WWOX: variants seen among roughly 807,000 people sequenced by gnomAD.
WWOX encodes WW domain-containing oxidoreductase.
Under a neutral mutation model 46.2 loss-of-function variants are expected in WWOX, and 69 were observed. The observed-to-expected ratio is 1.49, with a 90% CI of 1.23 to 1.82. The LOEUF is 1.82. Ranked by LOEUF, WWOX falls within the 40% of genes most tolerant of loss-of-function variation. The pLI is 0.00. For missense variants in WWOX, 919 were observed against 542.6 expected (o/e 1.69, Z -6.89); for synonymous variants, 359 against 202.6 (o/e 1.77, Z -6.56).
intron 5 of WWOX, among the ~76,000 whole-genome samples, chr16:78,366,277 A>G (rs1208642393): frequency 2.6e-5 from 4 of 152,230 alleles, no homozygotes; most frequent in African/African-American, 9.6e-5. Context: ...CTTTTAGATT[A>G]TTTAATAGAA....
intron 8 of WWOX, among the ~76,000 whole-genome samples, chr16:79,059,530 G>T (rs2048322823): frequency 6.6e-6 from 1 of 152,114 alleles, no homozygotes; most frequent in African/African-American, 2.4e-5. Context: ...TTGCCCTGTT[G>T]CCCTGGCTGG....
chr16:79,036,891 A>G (rs1327125095), intron 8 of WWOX, among the ~76,000 whole-genome samples: 1 of 152,194 alleles, frequency 6.6e-6, no homozygotes, highest in African/African-American at 2.4e-5. Context: ...TGCCAAAGGG[A>G]TTCTTTCAGA....
chr16:78,878,020 C>T (rs1456426502), intron 8 of WWOX, among the ~76,000 whole-genome samples: 1 of 152,188 alleles, frequency 6.6e-6, no homozygotes, highest in East Asian at 1.9e-4. Context: ...CAGGTCCCTT[C>T]TCTTTGCGTC....
intron 8 of WWOX, among the ~76,000 whole-genome samples, chr16:79,181,682 T>G (rs1303599245): frequency 6.6e-6 from 1 of 152,172 alleles, no homozygotes; most frequent in African/African-American, 2.4e-5. Context: ...AATGCTGAGA[T>G]GAACATCTTT....
At chr16:78,114,889 TG>T in intron 3 of WWOX, 86 bp from the exon 4 acceptor site, 2 of 1,565,176 alleles carry the variant, frequency 1.3e-6, no homozygotes, top group Non-Finnish European at 1.8e-6. Context: ...CTATGAAAAA[TG>T]GGGTTTTCCT....
Position 78,690,612 on chromosome 16 carries a change from A to C in WWOX, c.1056+257860A>C, listed in dbSNP as rs561073675. ...GAAGACATGAAAGCATTTGGTGGAA[A>C]TAGGGCACACACATGAATATATTCA... On this transcript the variant is annotated intron_variant, in intron 8 of 8. Transcript: ENST00000566780. 5.9e-5 allele frequency among the ~76,000 whole-genome samples: 9 copies of C among 152,296 alleles called. No homozygotes were observed. In the South Asian group the frequency reaches 1.9e-3, roughly 32 times the overall value.
chr16:78,104,736 G>T (rs915109610), intron 1 of WWOX, among the ~76,000 whole-genome samples: 1 of 151,962 alleles, frequency 6.6e-6, no homozygotes, highest in African/African-American at 2.4e-5. Context: ...GTCATTTAAG[G>T]TTATAATTAA....
intron 8 of WWOX, among the ~76,000 whole-genome samples, chr16:79,056,727 C>T (rs115759108): frequency 1.3e-5 from 2 of 152,206 alleles, no homozygotes; most frequent in African/African-American, 4.8e-5. Flanking sequence ...TAAGTCTTCT[C>T]TACCGTATCC....
At chr16:78,421,169 T>G (rs2082919028) in intron 6 of WWOX, among the ~76,000 whole-genome samples, 1 of 152,206 alleles carries the variant, frequency 6.6e-6, no homozygotes, top group South Asian at 2.1e-4. Flanking sequence ...TATAACAAAT[T>G]ACCACAGATG....
chr16:78,934,853 A>G (rs1405421984), intron 8 of WWOX, among the ~76,000 whole-genome samples: 1 of 152,182 alleles, frequency 6.6e-6, no homozygotes, highest in East Asian at 1.9e-4. Context: ...TAATCGCAGC[A>G]CTTTGGGAGG....
At chr16:78,357,074 G>A (rs989606120) in intron 5 of WWOX, among the ~76,000 whole-genome samples, 1 of 152,176 alleles carries the variant, frequency 6.6e-6, no homozygotes, top group African/African-American at 2.4e-5. Context: ...GGCCCAGGCA[G>A]GGGTGCTGGC....
At position 78,804,665 on chromosome 16, in the gene WWOX, T is replaced by G. The variant is rs1172447225; in HGVS notation, c.1056+371913T>G. ...AGTGTAGCAGAATTGCTTCATAAAT[T>G]TAACTATCACTTTCAAATTTCTGTT... On this transcript the variant is annotated intron_variant, in intron 8 of 8. Transcript: ENST00000566780. Among the ~76,000 whole-genome samples the G allele has an allele frequency of 2.0e-5, 3 of 152,242 alleles. No individual in the cohort carries two copies. The East Asian group carries it at 5.8e-4, about 29-fold the overall frequency.
intron 5 of WWOX, among the ~76,000 whole-genome samples, chr16:78,320,325 T>A (rs1476487812): frequency 6.6e-6 from 1 of 152,178 alleles, no homozygotes; most frequent in Non-Finnish European, 1.5e-5. Context: ...TCCCCTTCGG[T>A]GTAGGTTGTC....
chr16:78,738,775 C>G (rs554559127), intron 8 of WWOX, among the ~76,000 whole-genome samples: 1 of 152,248 alleles, frequency 6.6e-6, no homozygotes, highest in South Asian at 2.1e-4. Flanking sequence ...CAGGGCTGTG[C>G]AACCCTAGAG....
intron 8 of WWOX, among the ~76,000 whole-genome samples, chr16:78,639,622 G>A (rs1433329818): frequency 6.6e-6 from 1 of 151,672 alleles, no homozygotes; most frequent in East Asian, 1.9e-4. Flanking sequence ...GGGGTGCAAT[G>A]GTATGATCTT....
intron 6 of WWOX, among the ~76,000 whole-genome samples, chr16:78,405,447 G>A (rs142345827): frequency 1.3e-5 from 2 of 152,274 alleles, no homozygotes; most frequent in African/African-American, 4.8e-5. Flanking sequence ...CAAATTTAAA[G>A]GAATAGCTGA....
chr16:78,988,369 A>T (rs1332154072), intron 8 of WWOX, among the ~76,000 whole-genome samples: 2 of 143,642 alleles, frequency 1.4e-5, no homozygotes, highest in Non-Finnish European at 3.1e-5. Context: ...AAAAAAAAAA[A>T]GAAAGAAAAT....
chr16:78,827,191 G>A (rs746930859), intron 8 of WWOX, among the ~76,000 whole-genome samples: 2 of 152,112 alleles, frequency 1.3e-5, no homozygotes, highest in Non-Finnish European at 2.9e-5. Context: ...CAAGTGAAAG[G>A]GTAAATGCAT....
At chr16:78,220,743 A>G (rs891185749) in intron 5 of WWOX, among the ~76,000 whole-genome samples, 3 of 152,204 alleles carry the variant, frequency 2.0e-5, no homozygotes, top group Admixed American at 6.5e-5. Flanking sequence ...GAATGAAAGG[A>G]CCAGAATGGC....
Sources: gnomAD v4.1 joint callset for allele counts (sites outside exome capture counted in the v4.1 genomes callset) on GRCh38, gnomAD v4.1.1 for gene constraint, MANE v1.5 for transcripts, NCBI Gene and HGNC (gene_info 2026-07-23, HGNC 2026-07-21) for gene names.